Variants in SNTG2 observed in about 807,000 individuals in gnomAD.
SNTG2 encodes syntrophin gamma 2.
A neutral mutation model predicts 70.9 loss-of-function variants in SNTG2; 74 were observed. That is an observed-to-expected ratio of 1.04 (90% CI 0.86 to 1.27). The LOEUF (loss-of-function observed/expected upper bound fraction) is 1.27. Ranked by LOEUF, SNTG2 falls within the 50% of genes most tolerant of loss-of-function variation. The pLI, the probability that SNTG2 is intolerant of heterozygous loss-of-function variation, is 0.00. For missense variants in SNTG2, 717 were observed against 690.7 expected, an observed-to-expected ratio of 1.04 and a Z score of -0.43; for synonymous variants, 278 against 273.8, an observed-to-expected ratio of 1.02 and a Z score of -0.15.
chr2:1,159,013 T>C (rs1670086305), intron 6 of SNTG2, among the ~76,000 whole-genome samples: 1 of 152,154 alleles, frequency 6.6e-6, no homozygotes, highest in African/African-American at 2.4e-5. Flanking sequence ...GATGTCCGTG[T>C]GTGTGTCCAT....
In SNTG2 at chr2:1,367,424, G is replaced by C. The variant is rs116177278; in HGVS notation, c.1570G>C (p.Gly524Arg). 2.0e-3 allele frequency: 3,105 copies of C among 1,551,584 alleles called. 55 individuals are homozygous for C. In the African/African-American group the frequency reaches 0.038, roughly 19 times the overall value. The change falls in exon 17 of 17, where the codon GGC (glycine) becomes CGC (arginine). Residue 524 changes from glycine to arginine, a missense_variant. Coordinates refer to ENST00000308624, the MANE Select transcript of SNTG2 (RefSeq NM_018968.4). ...AGCCAAGGTGGCCTCCGTGGACCCC[G>C]GCTTCATGGACAGTCAGAGTCTTGC... ...IAAKVASVDP[G>R]FMDSQSLARK...
chr2:1,101,543 C>G (rs1394498978), intron 4 of SNTG2, among the ~76,000 whole-genome samples: 1 of 152,166 alleles, frequency 6.6e-6, no homozygotes, highest in Non-Finnish European at 1.5e-5. Flanking sequence ...GGAAGCAGAG[C>G]CCCTGGGTTG....
intron 9 of SNTG2, among the ~76,000 whole-genome samples, chr2:1,213,230 T>C (rs945263490): frequency 2.6e-5 from 4 of 152,232 alleles, no homozygotes; most frequent in Admixed American, 1.3e-4. Context: ...AGTGAAAATA[T>C]TTAAAATCTA....
At chr2:1,073,374 AG>A (rs1163368149) in intron 1 of SNTG2, among the ~76,000 whole-genome samples, 1 of 152,248 alleles carries the variant, frequency 6.6e-6, no homozygotes, top group Non-Finnish European at 1.5e-5. Flanking sequence ...CAACGAGGCA[AG>A]GTTCTCCACC....
At chr2:1,168,019 G>T (rs201899318) in intron 7 of SNTG2, among the ~76,000 whole-genome samples, 3 of 76,502 alleles carry the variant, frequency 3.9e-5, no homozygotes, top group African/African-American at 1.7e-4. Flanking sequence ...CTGAAGCCTA[G>T]AAGCCGCCCA....
In SNTG2 at chr2:1,137,760, C is replaced by T; in HGVS notation, c.370-8C>T. 1 of 1,613,708 alleles carries T rather than the reference C, an allele frequency of 6.2e-7. No individual in the cohort carries two copies. Among genetic ancestry groups the T allele is most frequent in the Non-Finnish European group, 8.5e-7 (1 of 1,179,752 alleles). On this transcript the variant is annotated splice_polypyrimidine_tract_variant and splice_region_variant and intron_variant, in intron 5 of 16. Coordinates refer to ENST00000308624, the MANE Select transcript of SNTG2 (RefSeq NM_018968.4). ...ATTCTCAACATTCTTACTTTGTCATCTGTTCAGGTTAATGGCATACATGTA... is the reference window on the plus strand; with the variant it reads ...ATTCTCAACATTCTTACTTTGTCATTTGTTCAGGTTAATGGCATACATGTA...
Position 1,025,438 on chromosome 2 carries a change from G to A in SNTG2, c.73-58080G>A, listed in dbSNP as rs137898017. 2.0e-5 allele frequency among the ~76,000 whole-genome samples: 3 copies of A among 152,292 alleles called. No homozygotes were observed. The East Asian group carries it at 5.8e-4, about 29-fold the overall frequency. ...GGGGGATTCGCTTCCCATGGCTGCT[G>A]TTTTTTACTGCAGAGCACAAACTTA... On this transcript the variant is annotated intron_variant, in intron 1 of 16. Coordinates refer to ENST00000308624, the MANE Select transcript of SNTG2 (RefSeq NM_018968.4).
intron 1 of SNTG2, among the ~76,000 whole-genome samples, chr2:1,040,955 C>T (rs552032183): frequency 6.6e-6 from 1 of 152,248 alleles, no homozygotes; most frequent in Non-Finnish European, 1.5e-5. Flanking sequence ...GCAGTGAAGC[C>T]CTCAGTCAAG....
chr2:1,004,675 A>T (rs1659511740), intron 1 of SNTG2, among the ~76,000 whole-genome samples: 1 of 152,204 alleles, frequency 6.6e-6, no homozygotes, highest in Admixed American at 6.5e-5. Context: ...GCTGGCAAGG[A>T]TGTGGAGCGA....
chr2:1,361,393 T>C (rs1661138082), intron 16 of SNTG2, among the ~76,000 whole-genome samples: 1 of 151,738 alleles, frequency 6.6e-6, no homozygotes, highest in Admixed American at 6.6e-5. Flanking sequence ...TGGCAAATCA[T>C]TATTGGAGAC....
At position 973,769 on chromosome 2, in the gene SNTG2, T is replaced by C. The variant is rs576483153; in HGVS notation, c.72+22701T>C. Reference sequence around the variant, plus strand: ...CCTTATTTTGATTTGTCCTCAGGTGTCTTTATTCTTTCCTCCGCTGTGTCC... The same window carrying C: ...CCTTATTTTGATTTGTCCTCAGGTGCCTTTATTCTTTCCTCCGCTGTGTCC... On this transcript the variant is annotated intron_variant, in intron 1 of 16. Transcript: ENST00000308624. 3.9e-5 allele frequency among the ~76,000 whole-genome samples: 6 copies of C among 152,270 alleles called. No homozygotes were observed. The East Asian group carries it at 1.2e-3, about 29-fold the overall frequency.
At chr2:1,237,597 A>G (rs1267137909) in intron 9 of SNTG2, among the ~76,000 whole-genome samples, 1 of 152,240 alleles carries the variant, frequency 6.6e-6, no homozygotes, top group Admixed American at 6.5e-5. Context: ...AATAACCAGT[A>G]AGAATCCTGC....
In SNTG2 at chr2:1,255,835, T is replaced by TATATATATAA. The variant is rs1558602292; in HGVS notation, c.1006-3528_1006-3527insTAAATATATA. Among the ~76,000 whole-genome samples, 2 of 83,796 alleles carry TATATATATAA rather than the reference T, an allele frequency of 2.4e-5. 1 individual carries two copies. The highest frequency in any genetic ancestry group is 7.1e-5 in the African/African-American group (2 of 28,230). The allele number at this position is 83,796 out of a possible 152,430, so 55.0% of individuals were successfully genotyped here. ...AAAGTTGTATGTATATATATATAAA[T>TATATATATAA]ATATATAAATATATATAAATATATA... is the stretch of plus-strand genomic sequence containing the variant. On this transcript the variant is annotated intron_variant, in intron 12 of 16. Transcript: ENST00000308624.
intron 8 of SNTG2, among the ~76,000 whole-genome samples, chr2:1,204,121 C>T (rs1050451352): frequency 6.6e-6 from 1 of 152,112 alleles, no homozygotes; most frequent in Non-Finnish European, 1.5e-5. Flanking sequence ...CAGTGACTAC[C>T]TTGGGCTGGA....
intron 16 of SNTG2, among the ~76,000 whole-genome samples, chr2:1,329,929 T>C (rs1294205052): frequency 6.6e-6 from 1 of 152,204 alleles, no homozygotes; most frequent in Non-Finnish European, 1.5e-5. Flanking sequence ...ATTTCCAGGC[T>C]TCCAAGAGGT....
At chr2:1,016,425 G>C (rs1032688352) in intron 1 of SNTG2, among the ~76,000 whole-genome samples, 8 of 152,184 alleles carry the variant, frequency 5.3e-5, no homozygotes, top group Non-Finnish European at 5.9e-5. Context: ...ATTTTTAGTA[G>C]AGATGGGGTT....
chr2:1,226,415 C>T (rs1277524548), intron 9 of SNTG2, among the ~76,000 whole-genome samples: 2 of 152,148 alleles, frequency 1.3e-5, no homozygotes, highest in South Asian at 2.1e-4. Context: ...TGGGTGGGGC[C>T]GTGCCACGCT....
chr2:984,095 T>C (rs1661222542), intron 1 of SNTG2, among the ~76,000 whole-genome samples: 1 of 152,140 alleles, frequency 6.6e-6, no homozygotes. Flanking sequence ...TGGCAGGAGC[T>C]CTGTGAGCCA....
At chr2:1,114,874 G>A (rs1666831942) in intron 4 of SNTG2, among the ~76,000 whole-genome samples, 1 of 147,980 alleles carries the variant, frequency 6.8e-6, no homozygotes, top group East Asian at 2.1e-4. Flanking sequence ...TGAGAAAAAT[G>A]GTGTGTACTA....
Sources: gnomAD v4.1 joint callset for allele counts (sites outside exome capture counted in the v4.1 genomes callset) on GRCh38, gnomAD v4.1.1 for gene constraint, MANE v1.5 for transcripts, NCBI Gene and HGNC (gene_info 2026-07-23, HGNC 2026-07-21) for gene names.